Variants in HGSNAT observed in about 807,000 individuals in gnomAD.
The protein encoded by HGSNAT is heparan-alpha-glucosaminide N-acetyltransferase, also known as transmembrane protein 76.
A neutral mutation model predicts 85.2 loss-of-function variants in HGSNAT; 59 were observed. That is an observed-to-expected ratio of 0.69 (90% CI 0.56 to 0.86). The LOEUF (loss-of-function observed/expected upper bound fraction) is 0.86, where lower values mean the gene tolerates loss of function less well. Among genes scored for constraint, HGSNAT ranks in the 40% least tolerant of loss-of-function variants. HGSNAT has a pLI of 0.00. For missense variants in HGSNAT, 756 were observed against 777.1 expected, an observed-to-expected ratio of 0.97 and a Z score of 0.32; for synonymous variants, 321 against 304.5, an observed-to-expected ratio of 1.05 and a Z score of -0.56.
At chr8:43,195,638 A>AGAG (rs1159527656) in intron 14 of HGSNAT, among the ~76,000 whole-genome samples, 3 of 12,158 alleles carry the variant, frequency 2.5e-4, no homozygotes, top group Admixed American at 7.5e-4. Flanking sequence ...GGGTGGAGGA[A>AGAG]GAGGAGGAGG....
At chr8:43,143,910 A>G (rs1257095505) in intron 1 of HGSNAT, among the ~76,000 whole-genome samples, 1 of 151,960 alleles carries the variant, frequency 6.6e-6, no homozygotes, top group Non-Finnish European at 1.5e-5. Flanking sequence ...GGTTCTTTGT[A>G]TTACCTGGGA....
Position 43,199,301 on chromosome 8 carries a change from C to T in HGSNAT, c.1727-87C>T. The T allele has an allele frequency of 7.3e-6, 7 of 963,812 alleles. No individual in the cohort carries two copies. In the South Asian group the frequency reaches 1.2e-4, roughly 17 times the overall value. The allele number at this position is 963,812 out of a possible 1,614,324, so 59.7% of individuals were successfully genotyped here. A position where few individuals can be genotyped will look rare whatever the true frequency, so the allele number is the denominator to read the frequency against. On this transcript the variant is annotated intron_variant, in intron 17 of 17. Coordinates refer to ENST00000379644, the MANE Select transcript of HGSNAT (RefSeq NM_152419.3). ...TGGAAGTGCACACTTTCTGTTTTTT[C>T]ATTGAACTGGTTTCAAGAATTAAAT...
At chr8:43,182,508 A>G (rs939961887) in intron 11 of HGSNAT, 3 of 493,852 alleles carry the variant, frequency 6.1e-6, no homozygotes, top group Non-Finnish European at 1.1e-5. Flanking sequence ...CAGTGGTGTG[A>G]TCTTGGCTCA....
At chr8:43,151,852 C>G (rs1034612452) in intron 2 of HGSNAT, among the ~76,000 whole-genome samples, 4 of 152,184 alleles carry the variant, frequency 2.6e-5, no homozygotes, top group African/African-American at 9.7e-5. Context: ...TAGAGAGATT[C>G]TATCCAGGAG....
chr8:43,190,467 G>A (rs1248097748), intron 11 of HGSNAT, among the ~76,000 whole-genome samples: 1 of 152,096 alleles, frequency 6.6e-6, no homozygotes, highest in African/African-American at 2.4e-5. Context: ...TGTCATTAAT[G>A]TGTCCTCTGG....
At chr8:43,199,244 A>G in intron 17 of HGSNAT, 144 bp from the exon 18 acceptor site, 1 of 593,564 alleles carries the variant, frequency 1.7e-6, no homozygotes, top group Non-Finnish European at 3.0e-6. Flanking sequence ...TACCTAAGAT[A>G]TGCATTACTT....
chr8:43,185,599 T>G (rs1414585686), intron 11 of HGSNAT, among the ~76,000 whole-genome samples: 1 of 152,240 alleles, frequency 6.6e-6, no homozygotes, highest in Non-Finnish European at 1.5e-5. Flanking sequence ...ACAATTTGAC[T>G]TCCTCCTTTC....
chr8:43,143,034 A>G (rs1370892686), intron 1 of HGSNAT, among the ~76,000 whole-genome samples: 1 of 152,212 alleles, frequency 6.6e-6, no homozygotes, highest in African/African-American at 2.4e-5. Context: ...GTGACTAGAA[A>G]TGTGAAAATG....
chr8:43,188,943 C>T (rs1448877378), intron 11 of HGSNAT, among the ~76,000 whole-genome samples: 1 of 152,156 alleles, frequency 6.6e-6, no homozygotes, highest in Admixed American at 6.5e-5. Context: ...CTGGGTATCA[C>T]CAGTGGAGGC....
In HGSNAT at chr8:43,165,782, C is replaced by T. The variant is rs539277317; in HGVS notation, c.564-3391C>T. 1.5e-3 allele frequency among the ~76,000 whole-genome samples: 222 copies of T among 152,046 alleles called. 1 individual carries two copies. The highest frequency in any genetic ancestry group is 2.4e-3 in the Non-Finnish European group (166 of 67,962). On this transcript the variant is annotated intron_variant, in intron 5 of 17. Transcript: ENST00000379644. ...CAAAACCCCATCTCTACTAAAAATA[C>T]AAAATTAGCTGGGCATGGTGTTGCA...
chr8:43,151,328 CCTT>C (rs1458081996), intron 2 of HGSNAT, among the ~76,000 whole-genome samples: 1 of 152,150 alleles, frequency 6.6e-6, no homozygotes, highest in Non-Finnish European at 1.5e-5. Flanking sequence ...ATGGTTCTCA[CCTT>C]CTCTCTGCTT....
chr8:43,168,911 T>A (rs1803520257), intron 5 of HGSNAT, among the ~76,000 whole-genome samples: 1 of 152,200 alleles, frequency 6.6e-6, no homozygotes, highest in Non-Finnish European at 1.5e-5. Context: ...GTTACCTCAT[T>A]TACCTTCTGA....
intron 10 of HGSNAT, among the ~76,000 whole-genome samples, chr8:43,179,715 C>T (rs1803977262): frequency 7.0e-5 from 1 of 14,242 alleles, no homozygotes; most frequent in Non-Finnish European, 1.5e-4. Flanking sequence ...GGGGGGATGA[C>T]CCCCCCACCT....
At position 43,202,767 on chromosome 8, in the gene HGSNAT, G is replaced by A. The variant is rs576281567; in HGVS notation, c.*3198G>A. The A allele has an allele frequency of 4.2e-4, 64 of 152,288 alleles. No homozygotes were observed. Among genetic ancestry groups the A allele is most frequent in the Non-Finnish European group, 8.1e-4 (55 of 68,028 alleles). 9.4% of individuals were successfully genotyped at this position (152,288 alleles called of 1,614,324 possible). On this transcript the variant is annotated 3_prime_UTR_variant, in exon 18 of 18. Coordinates refer to ENST00000379644, the MANE Select transcript of HGSNAT (RefSeq NM_152419.3). ...ATCGACTTAAGTGAAATTTCAACAT[G>A]CTGTTACTTTTTCCTTTTAATGTAA...
intron 2 of HGSNAT, among the ~76,000 whole-genome samples, chr8:43,152,573 C>T (rs147072260): frequency 6.6e-6 from 1 of 152,206 alleles, no homozygotes; most frequent in Non-Finnish European, 1.5e-5. Context: ...GCTTCAGCCT[C>T]TCAAGTAGCT....
In HGSNAT at chr8:43,150,144, A is replaced by G. The variant is rs560473264; in HGVS notation, c.234+3081A>G. Among the ~76,000 whole-genome samples, 77 of 152,052 alleles carry G rather than the reference A, an allele frequency of 5.1e-4. 2 individuals carry two copies. The South Asian group carries it at 0.016, about 31-fold the overall frequency. On this transcript the variant is annotated intron_variant, in intron 2 of 17. Coordinates refer to ENST00000379644, the MANE Select transcript of HGSNAT (RefSeq NM_152419.3). Reference sequence around the variant, plus strand: ...GTAATTTTGTATTTTTAGTAGAGACAGGGTTTCACCATTTTGGCCACGCTG... The same window carrying G: ...GTAATTTTGTATTTTTAGTAGAGACGGGGTTTCACCATTTTGGCCACGCTG...
chr8:43,194,662 C>T (rs1183012631), intron 14 of HGSNAT: 1 of 278,030 alleles, frequency 3.6e-6, no homozygotes, highest in Admixed American at 6.5e-5. Flanking sequence ...AATGCTGTGT[C>T]CTCACACGGT....
chr8:43,172,060 A>T (rs1468217206), intron 7 of HGSNAT, among the ~76,000 whole-genome samples: 2 of 152,262 alleles, frequency 1.3e-5, no homozygotes, highest in Admixed American at 1.3e-4. Context: ...TTAAGACTGC[A>T]GTATACACTT....
intron 1 of HGSNAT, among the ~76,000 whole-genome samples, chr8:43,142,086 A>AT (rs1802569770): frequency 6.6e-6 from 1 of 152,166 alleles, no homozygotes; most frequent in Admixed American, 6.5e-5. Context: ...GAAAAAAAAA[A>AT]GTAGACTATG....
Sources: allele counts gnomAD v4.1 joint callset (sites outside exome capture counted in the v4.1 genomes callset), GRCh38; gene constraint gnomAD v4.1.1; transcripts MANE v1.5; gene names NCBI Gene and HGNC (gene_info 2026-07-23, HGNC 2026-07-21).